NUP210L: variants seen among roughly 807,000 people sequenced by gnomAD.
NUP210L encodes nucleoporin 210 like, also known as nuclear pore membrane glycoprotein 210-like.
In NUP210L, 74 loss-of-function variants were observed where a neutral mutation model predicts 208.5. That is an observed-to-expected ratio of 0.35 (90% CI 0.29 to 0.43). NUP210L has a LOEUF of 0.43. NUP210L is among the 20% of genes least tolerant of loss of function. The pLI, the probability that NUP210L is intolerant of heterozygous loss-of-function variation, is 1.00. For missense variants in NUP210L, 1,843 were observed against 2,289.4 expected, an observed-to-expected ratio of 0.81 and a Z score of 3.98; for synonymous variants, 780 against 816.9, an observed-to-expected ratio of 0.95 and a Z score of 0.77.
At chr1:154,119,615 C>CAAAT (rs908128160) in intron 10 of NUP210L, among the ~76,000 whole-genome samples, 16 of 151,838 alleles carry the variant, frequency 1.1e-4, no homozygotes, top group Admixed American at 8.5e-4. Flanking sequence ...AACAAAAAAC[C>CAAAT]AAATAAATAA....
At chr1:154,027,771 A>G (rs1321897324) in intron 28 of NUP210L, among the ~76,000 whole-genome samples, 174 bp from the exon 29 acceptor site, 1 of 152,168 alleles carries the variant, frequency 6.6e-6, no homozygotes, top group Non-Finnish European at 1.5e-5. Context: ...TCCTCTCCAA[A>G]ATGAACCAGG....
rs34499821 is a variant in NUP210L, at chr1:154,062,567, C to CTTTTTTTTTTTTTTTTTTTTTT, written c.2555-915_2555-894dup. Among the ~76,000 whole-genome samples the CTTTTTTTTTTTTTTTTTTTTTT allele has an allele frequency of 4.5e-4, 34 of 74,994 alleles. 1 individual carries two copies. The highest frequency in any genetic ancestry group is 2.0e-3 in the South Asian group (3 of 1,510). The allele number at this position is 74,994 out of a possible 152,430, so 49.2% of individuals were successfully genotyped here. ...CACCTTTCTCTCTCTTTTCTTTTTCCTTTTTTTTTTTTTTTTTTTTTTTGT... is the reference window on the plus strand; with the variant it reads ...CACCTTTCTCTCTCTTTTCTTTTTCCTTTTTTTTTTTTTTTTTTTTTTTTTTTTTTTTTTTTTTTTTTTTTGT... On this transcript the variant is annotated intron_variant, in intron 17 of 39. Transcript: ENST00000368559.
At chr1:154,136,879 C>T (rs1166024680) in intron 6 of NUP210L, among the ~76,000 whole-genome samples, 2 of 126,198 alleles carry the variant, frequency 1.6e-5, no homozygotes, top group East Asian at 2.5e-4. Context: ...GAGATCATGC[C>T]ACTGCACTCC....
chr1:154,062,709 T>A (rs1206156000), intron 17 of NUP210L, among the ~76,000 whole-genome samples: 1 of 148,340 alleles, frequency 6.7e-6, no homozygotes, highest in Non-Finnish European at 1.5e-5. Context: ...CACCTCAGCC[T>A]CCCAAGTAGC....
chr1:154,040,688 G>A (rs980908588), intron 27 of NUP210L, among the ~76,000 whole-genome samples: 11 of 151,444 alleles, frequency 7.3e-5, no homozygotes, highest in Admixed American at 2.0e-4. Flanking sequence ...CCAGGTTCAC[G>A]CCATTCTCCC....
intron 38 of NUP210L, among the ~76,000 whole-genome samples, chr1:153,993,544 C>T (rs1179333617): frequency 2.8e-5 from 4 of 141,322 alleles, no homozygotes; most frequent in Non-Finnish European, 4.5e-5. Flanking sequence ...CCAGCCTGGG[C>T]GATAGAGCCA....
At position 154,089,610 on chromosome 1, in the gene NUP210L, A is replaced by G. The variant is rs1390770684; in HGVS notation, c.2188-16T>C. 6.2e-7 allele frequency: 1 copy of G among 1,610,196 alleles called. No homozygotes were observed. Among genetic ancestry groups the G allele is most frequent in the African/African-American group, 1.3e-5 (1 of 74,866 alleles). ...ATGTGAGAACCTTTAAGGAAGTCAC[A>G]GAGCAAGAGATAATTGTGGGTAGAT... On this transcript the variant is annotated splice_polypyrimidine_tract_variant and intron_variant, in intron 15 of 39. Coordinates refer to ENST00000368559, the Ensembl canonical transcript of NUP210L.
chr1:154,054,902 T>A lies in NUP210L; in HGVS notation c.3241-70A>T, dbSNP rs577188627. 5 of 1,145,278 alleles carry A rather than the reference T, an allele frequency of 4.4e-6. No homozygotes were observed. In the East Asian group the frequency reaches 7.4e-5, roughly 17 times the overall value. The allele number at this position is 1,145,278 out of a possible 1,614,324, so 70.9% of individuals were successfully genotyped here. A position where few individuals can be genotyped will look rare whatever the true frequency, so the allele number is the denominator to read the frequency against. ...AATTTTATAACATATCATGGTCATT[T>A]AAATTTTTTTTTTTTTTAGACAGAG... is the stretch of plus-strand genomic sequence containing the variant. On this transcript the variant is annotated intron_variant, in intron 23 of 39. Transcript: ENST00000368559.
chr1:154,138,645 A>G (rs1242200318), intron 5 of NUP210L, among the ~76,000 whole-genome samples: 1 of 152,214 alleles, frequency 6.6e-6, no homozygotes, highest in African/African-American at 2.4e-5. Context: ...AGATTTACCC[A>G]ATGCAAGGTT....
chr1:154,061,747 C>T (rs949769747), intron 17 of NUP210L, 73 bp from the exon 18 acceptor site: 2 of 913,136 alleles, frequency 2.2e-6, no homozygotes, highest in Non-Finnish European at 3.5e-6. Flanking sequence ...TAGAAAACCA[C>T]ATTCTGCCAC....
chr1:154,138,869 T>C (rs1283255367), intron 5 of NUP210L, among the ~76,000 whole-genome samples: 2 of 152,224 alleles, frequency 1.3e-5, no homozygotes, highest in Non-Finnish European at 2.9e-5. Context: ...GCTGCTAATA[T>C]ATACTATCAA....
At chr1:154,058,492 G>A (rs1653984980) in intron 21 of NUP210L, 73 bp downstream of exon 21, 1 of 1,513,164 alleles carries the variant, frequency 6.6e-7, no homozygotes. Flanking sequence ...GCTGAGCAGA[G>A]ACTATATTAA....
At position 154,143,423 on chromosome 1, in the gene NUP210L, TTGAATCCTC is replaced by T; in HGVS notation, c.472+14_472+22del. 6.2e-7 allele frequency: 1 copy of T among 1,603,930 alleles called. No individual in the cohort carries two copies. On this transcript the variant is annotated intron_variant, in intron 3 of 39. Coordinates refer to ENST00000368559, the Ensembl canonical transcript of NUP210L. ...TATTACTTTATTTTAGGTAATTTTG[TTGAATCCTC>T]TGAAGTTCTTTACCTTCAGCATCCA...
chr1:154,038,542 A>G (rs569297834), intron 27 of NUP210L, among the ~76,000 whole-genome samples: 1 of 151,898 alleles, frequency 6.6e-6, no homozygotes, highest in East Asian at 1.9e-4. Context: ...ACGGGGTTTC[A>G]CCATGTTGGT....
At chr1:154,135,220 T>C (rs1337586565) in intron 7 of NUP210L, among the ~76,000 whole-genome samples, 1 of 152,120 alleles carries the variant, frequency 6.6e-6, no homozygotes, top group Non-Finnish European at 1.5e-5. Context: ...CCAAACTCCG[T>C]TTTCCCCATT....
intron 4 of NUP210L, among the ~76,000 whole-genome samples, chr1:154,140,304 T>C (rs1297100833): frequency 6.6e-6 from 1 of 150,806 alleles, no homozygotes; most frequent in Non-Finnish European, 1.5e-5. Context: ...TGAGCCAAGA[T>C]TGTGCCACTG....
chr1:154,135,371 T>C (rs906748566), intron 7 of NUP210L, among the ~76,000 whole-genome samples: 9 of 152,128 alleles, frequency 5.9e-5, no homozygotes, highest in African/African-American at 1.9e-4. Context: ...TAATAACTTA[T>C]AATTCTTTAT....
chr1:154,029,933 C>T (rs1265880853), exon 28 of NUP210L: 2 of 1,610,492 alleles, frequency 1.2e-6, no homozygotes, highest in Non-Finnish European at 1.7e-6. Context: ...CAACAAATTC[C>T]CCTCAAACTG....
At chr1:154,111,355 C>G (rs11265116) in intron 12 of NUP210L, among the ~76,000 whole-genome samples, 39,128 of 151,056 alleles carry the variant, frequency 0.26, 5,750 homozygotes, top group Admixed American at 0.37. Context: ...TGCACTCCAG[C>G]CTGGGCGACA....
Sources: gnomAD v4.1 joint callset for allele counts (sites outside exome capture counted in the v4.1 genomes callset) on GRCh38, gnomAD v4.1.1 for gene constraint, MANE v1.5 for transcripts, NCBI Gene and HGNC (gene_info 2026-07-23, HGNC 2026-07-21) for gene names.